MCMBP: variants seen among roughly 807,000 people sequenced by gnomAD.
MCMBP encodes the protein minichromosome maintenance complex binding protein.
MCMBP carries 31 observed loss-of-function variants against 81.3 expected under a neutral mutation model. That is an observed-to-expected ratio of 0.38 (90% CI 0.29 to 0.51). The LOEUF is 0.51. Among genes scored for constraint, MCMBP ranks in the 20% least tolerant of loss-of-function variants. MCMBP has a pLI of 0.87. For missense variants in MCMBP, 645 were observed against 772.1 expected, an observed-to-expected ratio of 0.84 and a Z score of 1.95; for synonymous variants, 267 against 275.9, an observed-to-expected ratio of 0.97 and a Z score of 0.32.
intron 1 of MCMBP, among the ~76,000 whole-genome samples, chr10:119,872,287 G>A (rs1276966658): frequency 2.0e-5 from 3 of 151,888 alleles, no homozygotes; most frequent in African/African-American, 4.8e-5. Flanking sequence ...ACTTCACCTT[G>A]GCGGCTCCCA....
At position 119,831,313 on chromosome 10, in the gene MCMBP, T is replaced by C. The variant is rs1852026201; in HGVS notation, c.*161A>G. 7 of 657,244 alleles carry C rather than the reference T, an allele frequency of 1.1e-5. No individual in the cohort carries two copies. The highest frequency in any genetic ancestry group is 3.5e-5 in the Admixed American group (1 of 28,288). The allele number at this position is 657,244 out of a possible 1,614,324, so 40.7% of individuals were successfully genotyped here. A position where few individuals can be genotyped will look rare whatever the true frequency, so the allele number is the denominator to read the frequency against. On this transcript the variant is annotated 3_prime_UTR_variant, in exon 16 of 16. Coordinates refer to ENST00000369077, the MANE Select transcript of MCMBP (RefSeq NM_001256378.2). ...AAATCAGTAAGGTAAAAGTCCTTACTGAATATCATATAAACATCAGGTGTT... is the reference window on the plus strand; with the variant it reads ...AAATCAGTAAGGTAAAAGTCCTTACCGAATATCATATAAACATCAGGTGTT...
In MCMBP at chr10:119,857,388, G is replaced by C; in HGVS notation, c.379C>G (p.Gln127Glu). ...GGCACCGGAACACAATAGAAAGTCT[G>C]TCTTTCCAAAGTGGTATTTCGTGGA... is the stretch of plus-strand genomic sequence containing the variant. ...NSPRNTTLER[Q>E]TFYCVPVPGE... is the part of the protein sequence containing the mutation. The change falls in exon 5 of 16, where the codon CAG (glutamine) becomes GAG (glutamate). Residue 127 changes from glutamine (Q) to glutamate (E), a missense_variant. Coordinates refer to ENST00000369077, the MANE Select transcript of MCMBP (RefSeq NM_001256378.2). 1 of 1,611,798 alleles carries C rather than the reference G, an allele frequency of 6.2e-7. No individual in the cohort carries two copies. The highest frequency in any genetic ancestry group is 1.3e-5 in the African/African-American group (1 of 74,996).
intron 7 of MCMBP, among the ~76,000 whole-genome samples, chr10:119,848,925 GTTC>G (rs1353741902): frequency 6.6e-6 from 1 of 152,222 alleles, no homozygotes; most frequent in East Asian, 1.9e-4. Context: ...CATTTGAGAT[GTTC>G]TTCGATTCTT....
At chr10:119,852,490 C>T (rs1312345270) in intron 6 of MCMBP, among the ~76,000 whole-genome samples, 1 of 152,100 alleles carries the variant, frequency 6.6e-6, no homozygotes, top group Non-Finnish European at 1.5e-5. Flanking sequence ...GCCTGGGCAA[C>T]ATAGTGAGAT....
At chr10:119,853,615 C>T (rs1409084718) in intron 5 of MCMBP, among the ~76,000 whole-genome samples, 1 of 152,174 alleles carries the variant, frequency 6.6e-6, no homozygotes, top group African/African-American at 2.4e-5. Context: ...AGTGAAGCAA[C>T]TGGAATTTGC....
Position 119,835,232 on chromosome 10 carries a change from T to G in MCMBP, c.1707+308A>C, listed in dbSNP as rs1387085239. 2.0e-5 allele frequency among the ~76,000 whole-genome samples: 3 copies of G among 152,182 alleles called. No homozygotes were observed. In the East Asian group the frequency reaches 5.8e-4, roughly 29 times the overall value. Reference sequence around the variant, plus strand: ...TAAAATGGCATTAGCCACACAAATTTTTTTTAAATTAAAAATAACTAAACA... The same window carrying G: ...TAAAATGGCATTAGCCACACAAATTGTTTTTAAATTAAAAATAACTAAACA... On this transcript the variant is annotated intron_variant, in intron 14 of 15. Transcript: ENST00000369077.
chr10:119,833,476 CAA>C (rs570174141), intron 14 of MCMBP, among the ~76,000 whole-genome samples: 18 of 85,132 alleles, frequency 2.1e-4, no homozygotes, highest in Admixed American at 5.1e-4. Context: ...CTCATCACTA[CAA>C]AAAAAAAAAG....
chr10:119,869,789 C>T (rs891166718), intron 1 of MCMBP, among the ~76,000 whole-genome samples: 1 of 152,082 alleles, frequency 6.6e-6, no homozygotes, highest in African/African-American at 2.4e-5. Flanking sequence ...GATACAGTGA[C>T]CAAATTCAGA....
chr10:119,863,728 C>CAAAAAAAAA (rs57266961), intron 1 of MCMBP, among the ~76,000 whole-genome samples: 2 of 20,204 alleles, frequency 9.9e-5, no homozygotes, highest in African/African-American at 2.4e-4. Context: ...GGCTCAGACT[C>CAAAAAAAAA]AAAAAAAAAA....
chr10:119,848,932 G>A (rs1179005508), intron 7 of MCMBP, among the ~76,000 whole-genome samples: 1 of 152,186 alleles, frequency 6.6e-6, no homozygotes, highest in Non-Finnish European at 1.5e-5. Flanking sequence ...GATGTTCTTC[G>A]ATTCTTTTAA....
At chr10:119,840,718 C>A in intron 11 of MCMBP, 125 bp downstream of exon 11, 1 of 541,436 alleles carries the variant, frequency 1.8e-6, no homozygotes, top group Non-Finnish European at 3.1e-6. Flanking sequence ...ATTTGGCAGG[C>A]TTTGTTTCCC....
chr10:119,830,112 A>T lies in MCMBP; in HGVS notation c.*1362T>A, dbSNP rs1390636225. 6.6e-6 allele frequency: 1 copy of T among 152,658 alleles called. No homozygotes were observed. The allele number at this position is 152,658 out of a possible 1,614,324, so 9.5% of individuals were successfully genotyped here. A position where few individuals can be genotyped will look rare whatever the true frequency, so the allele number is the denominator to read the frequency against. ...ATAGATTTGAGTTTAGGAAAAGTTG[A>T]ACAACTAGTTATTTTTACTTCAGTT... On this transcript the variant is annotated 3_prime_UTR_variant, in exon 16 of 16. Transcript: ENST00000369077.
chr10:119,838,440 G>C (rs963693206), intron 12 of MCMBP, 95 bp downstream of exon 12: 10 of 1,204,290 alleles, frequency 8.3e-6, no homozygotes, highest in South Asian at 3.2e-5. Context: ...TGTTAAATGT[G>C]AATTTGTCCA....
chr10:119,861,657 C>A (rs1853258384), intron 1 of MCMBP, among the ~76,000 whole-genome samples: 2 of 152,132 alleles, frequency 1.3e-5, no homozygotes, highest in Admixed American at 6.6e-5. Context: ...CGTGAGAATA[C>A]CACATAACAA....
At chr10:119,871,662 T>C (rs1388617320) in intron 1 of MCMBP, among the ~76,000 whole-genome samples, 2 of 152,160 alleles carry the variant, frequency 1.3e-5, no homozygotes, top group Non-Finnish European at 2.9e-5. Context: ...AAGGCCGCTC[T>C]ACAACTCTAA....
chr10:119,840,974 A>C lies in MCMBP; in HGVS notation c.1125-14T>G. ...CTTCTTGTATATCTAGAAAAGAAAG[A>C]AATCAATCAATAAGATGCTGAAGTG... On this transcript the variant is annotated splice_polypyrimidine_tract_variant and intron_variant, in intron 10 of 15. Transcript: ENST00000369077. The C allele has an allele frequency of 2.1e-6, 3 of 1,438,982 alleles. No individual in the cohort carries two copies. Among genetic ancestry groups the C allele is most frequent in the East Asian group, 2.3e-5 (1 of 43,884 alleles). 89.1% of individuals were successfully genotyped at this position (1,438,982 alleles called of 1,614,324 possible).
At position 119,847,725 on chromosome 10, in the gene MCMBP, C is replaced by T. The variant is rs370957976; in HGVS notation, c.727-12G>A. The T allele has an allele frequency of 6.7e-7, 1 of 1,495,520 alleles. No homozygotes were observed. Among genetic ancestry groups the T allele is most frequent in the South Asian group, 1.1e-5 (1 of 88,170 alleles). 92.6% of individuals were successfully genotyped at this position (1,495,520 alleles called of 1,614,324 possible). On this transcript the variant is annotated splice_polypyrimidine_tract_variant and intron_variant, in intron 7 of 15. Coordinates refer to ENST00000369077, the MANE Select transcript of MCMBP (RefSeq NM_001256378.2). ...CAATCTTCATAAACCTAACAAGAGA[C>T]CACATGAAATCACACTGTTAGAACA...
chr10:119,831,471 T>A lies in MCMBP; in HGVS notation c.*3A>T. ...CCCATTACTCTTCATAGGTATTACA[T>A]CTTTAAAGTTCATTTCCATTCACAC... On this transcript the variant is annotated 3_prime_UTR_variant, in exon 16 of 16. Transcript: ENST00000369077. 2 of 1,613,794 alleles carry A rather than the reference T, an allele frequency of 1.2e-6. No individual in the cohort carries two copies. The highest frequency in any genetic ancestry group is 1.7e-6 in the Non-Finnish European group (2 of 1,179,802).
At chr10:119,851,697 G>T (rs1321628751) in intron 6 of MCMBP, among the ~76,000 whole-genome samples, 1 of 151,988 alleles carries the variant, frequency 6.6e-6, no homozygotes, top group Non-Finnish European at 1.5e-5. Context: ...TGGAGAAAAA[G>T]AATACTACGA....
Sources: gnomAD v4.1 joint callset for allele counts (sites outside exome capture counted in the v4.1 genomes callset) on GRCh38, gnomAD v4.1.1 for gene constraint, MANE v1.5 for transcripts, NCBI Gene and HGNC (gene_info 2026-07-23, HGNC 2026-07-21) for gene names.